The following SMIM14 variants were observed in gnomAD, a reference collection of about 807,000 sequenced individuals.
SMIM14 encodes small integral membrane protein 14.
SMIM14 carries 5 observed loss-of-function variants against 12.6 expected under a neutral mutation model. That is an observed-to-expected ratio of 0.40 (90% CI 0.21 to 0.83). The LOEUF (loss-of-function observed/expected upper bound fraction) is 0.83. Ranked by LOEUF, SMIM14 falls within the 40% of genes least tolerant of loss-of-function variation. The pLI, the probability that SMIM14 is intolerant of heterozygous loss-of-function variation, is 0.37. For synonymous variants in SMIM14, 30 were observed against 40.1 expected (o/e 0.75, Z 0.95); for missense variants, 86 against 119.1 (o/e 0.72, Z 1.29).
At chr4:39,579,855 A>AAAG (rs1713408418) in intron 2 of SMIM14, among the ~76,000 whole-genome samples, 1 of 151,242 alleles carries the variant, frequency 6.6e-6, no homozygotes, top group African/African-American at 2.4e-5. Flanking sequence ...AAAAAAAAAA[A>AAAG]AAAGAAAGAA....
chr4:39,599,853 C>T (rs947280525), intron 2 of SMIM14, among the ~76,000 whole-genome samples: 3 of 149,478 alleles, frequency 2.0e-5, no homozygotes, highest in Non-Finnish European at 4.4e-5. Flanking sequence ...ACCCGGGAAG[C>T]GGAGGTTGCA....
intron 1 of SMIM14, chr4:39,638,380 G>GT: frequency 2.4e-6 from 2 of 820,798 alleles, no homozygotes; most frequent in Non-Finnish European, 2.9e-6. Context: ...GGATTTGTGA[G>GT]TTTTTCCTTC....
In SMIM14 at chr4:39,615,729, A is replaced by G. The variant is rs533847066; in HGVS notation, c.-35-10549T>C. Among the ~76,000 whole-genome samples, 12 of 152,302 alleles carry G rather than the reference A, an allele frequency of 7.9e-5. No homozygotes were observed. The South Asian group carries it at 1.9e-3, about 24-fold the overall frequency. ...AAATAAACTAAAAAACTGGATGTGG[A>G]TCAATGAAACAAGACTGGCCAGGAG... On this transcript the variant is annotated intron_variant, in intron 1 of 4. Transcript: ENST00000295958.
intron 1 of SMIM14, among the ~76,000 whole-genome samples, chr4:39,614,274 A>C (rs1030807418): frequency 6.6e-6 from 1 of 151,918 alleles, no homozygotes; most frequent in African/African-American, 2.4e-5. Context: ...ACGGACAATA[A>C]GTTGATAATT....
At chr4:39,559,945 C>T (rs1025222706) in intron 3 of SMIM14, among the ~76,000 whole-genome samples, 3 of 145,202 alleles carry the variant, frequency 2.1e-5, no homozygotes, top group East Asian at 4.1e-4. Context: ...GACAAAAACC[C>T]GTATCTACAA....
intron 2 of SMIM14, among the ~76,000 whole-genome samples, chr4:39,588,237 G>T (rs913474258): frequency 6.6e-6 from 1 of 152,002 alleles, no homozygotes; most frequent in Non-Finnish European, 1.5e-5. Context: ...AATAATAATG[G>T]GAACAATACA....
At chr4:39,591,188 TTTATTATTTGTA>T (rs1408567074) in intron 2 of SMIM14, among the ~76,000 whole-genome samples, 2 of 152,116 alleles carry the variant, frequency 1.3e-5, no homozygotes, top group African/African-American at 4.8e-5. Context: ...ATGCTATTGT[TTTATTATTTGTA>T]TTATTATTTT....
At chr4:39,604,062 A>G (rs974196341) in intron 2 of SMIM14, among the ~76,000 whole-genome samples, 2 of 152,026 alleles carry the variant, frequency 1.3e-5, no homozygotes, top group African/African-American at 4.8e-5. Flanking sequence ...TTGTCATGCC[A>G]TATGTTGGTG....
intron 2 of SMIM14, among the ~76,000 whole-genome samples, chr4:39,600,624 A>G (rs1714570218): frequency 1.3e-5 from 2 of 152,142 alleles, no homozygotes; most frequent in African/African-American, 4.8e-5. Context: ...CAGGAGGTGG[A>G]GGTTGCAGTG....
chr4:39,623,207 G>T (rs1260116339), intron 1 of SMIM14, among the ~76,000 whole-genome samples: 1 of 152,166 alleles, frequency 6.6e-6, no homozygotes, highest in Non-Finnish European at 1.5e-5. Context: ...GCCAAGGGGG[G>T]AGAGGTATGG....
At chr4:39,578,312 T>A (rs1713306075) in intron 2 of SMIM14, among the ~76,000 whole-genome samples, 1 of 152,176 alleles carries the variant, frequency 6.6e-6, no homozygotes, top group Non-Finnish European at 1.5e-5. Flanking sequence ...CACACCCAAC[T>A]TGAGAATCTC....
chr4:39,566,289 G>A (rs965888061), intron 3 of SMIM14, among the ~76,000 whole-genome samples: 2 of 151,942 alleles, frequency 1.3e-5, no homozygotes, highest in African/African-American at 2.4e-5. Context: ...AACTGTTATA[G>A]GAAGGATCTC....
chr4:39,604,870 CA>C (rs1327766051), intron 2 of SMIM14, among the ~76,000 whole-genome samples, 200 bp downstream of exon 2: 1 of 152,162 alleles, frequency 6.6e-6, no homozygotes, highest in Non-Finnish European at 1.5e-5. Flanking sequence ...CTTGGCCTCC[CA>C]AAGTGCTGGG....
At chr4:39,611,589 G>T (rs1276068855) in intron 1 of SMIM14, among the ~76,000 whole-genome samples, 1 of 151,690 alleles carries the variant, frequency 6.6e-6, no homozygotes, top group African/African-American at 2.4e-5. Context: ...CAGGAGAATC[G>T]CTTGAACCCA....
At chr4:39,630,260 GC>G (rs1369703119) in intron 1 of SMIM14, among the ~76,000 whole-genome samples, 1 of 152,116 alleles carries the variant, frequency 6.6e-6, no homozygotes, top group Non-Finnish European at 1.5e-5. Flanking sequence ...AGCCAGGCAT[GC>G]TAGCATGTGC....
chr4:39,580,903 G>A (rs1713461364), intron 2 of SMIM14, among the ~76,000 whole-genome samples: 1 of 152,020 alleles, frequency 6.6e-6, no homozygotes, highest in Non-Finnish European at 1.5e-5. Flanking sequence ...AATTCACCAT[G>A]AGGATTAAGT....
At chr4:39,630,766 G>C (rs376597449) in intron 1 of SMIM14, among the ~76,000 whole-genome samples, 20 of 151,850 alleles carry the variant, frequency 1.3e-4, no homozygotes, top group African/African-American at 4.8e-4. Context: ...GGAGGCTGAG[G>C]CAGGAGAATT....
chr4:39,595,609 T>A (rs968093900), intron 2 of SMIM14, among the ~76,000 whole-genome samples: 1 of 106,080 alleles, frequency 9.4e-6, no homozygotes, highest in African/African-American at 5.5e-5. Flanking sequence ...GTAACTACGA[T>A]TTTTTTTTTT....
At chr4:39,571,788 CTA>C (rs1271419947) in intron 3 of SMIM14, among the ~76,000 whole-genome samples, 3 of 151,898 alleles carry the variant, frequency 2.0e-5, no homozygotes, top group Non-Finnish European at 4.4e-5. Flanking sequence ...TTATCTTTAA[CTA>C]TTCTGGAAGT....
Sources: allele counts gnomAD v4.1 joint callset (sites outside exome capture counted in the v4.1 genomes callset), GRCh38; gene constraint gnomAD v4.1.1; transcripts MANE v1.5; gene names NCBI Gene and HGNC (gene_info 2026-07-23, HGNC 2026-07-21).